DPYD: variants seen among roughly 807,000 people sequenced by gnomAD.
DPYD encodes dihydropyrimidine dehydrogenase [NADP(+)].
In DPYD, 109 loss-of-function variants were observed where a neutral mutation model predicts 116.2. That is an observed-to-expected ratio of 0.94 (90% CI 0.80 to 1.10). DPYD has a LOEUF of 1.10. Ranked by LOEUF, DPYD falls within the 50% of genes least tolerant of loss-of-function variation. The pLI is 0.00. For missense variants in DPYD, 1,302 were observed against 1,254.5 expected (o/e 1.04, Z -0.57); for synonymous variants, 440 against 432.0 (o/e 1.02, Z -0.23).
At chr1:97,640,632 A>T (rs202056009) in intron 8 of DPYD, among the ~76,000 whole-genome samples, 1 of 152,090 alleles carries the variant, frequency 6.6e-6, no homozygotes, top group Non-Finnish European at 1.5e-5. Flanking sequence ...CTGTTAGATT[A>T]TTAGAGTCTG....
chr1:97,899,920 C>T (rs1673277973), intron 1 of DPYD, among the ~76,000 whole-genome samples: 1 of 151,900 alleles, frequency 6.6e-6, no homozygotes, highest in Admixed American at 6.6e-5. Flanking sequence ...ATCAGTTTAA[C>T]AAATGTCTGT....
intron 13 of DPYD, among the ~76,000 whole-genome samples, chr1:97,503,467 C>T (rs560387566): frequency 1.3e-5 from 2 of 152,126 alleles, no homozygotes; most frequent in South Asian, 4.1e-4. Flanking sequence ...TAGCCAATGA[C>T]TGAGCAGGGC....
In DPYD at chr1:97,311,905, TA is replaced by T. The variant is rs1412925174; in HGVS notation, c.2059-5609del. Among the ~76,000 whole-genome samples the T allele has an allele frequency of 6.6e-5, 10 of 151,828 alleles. No homozygotes were observed. In the East Asian group the frequency reaches 1.4e-3, roughly 21 times the overall value. ...TCTTTAGAGACATATATATGGGTGA[TA>T]AAACTACGAAGAAAAGCAAAGCAAA... On this transcript the variant is annotated intron_variant, in intron 16 of 22. Transcript: ENST00000370192.
At chr1:97,567,490 G>A (rs941033516) in intron 11 of DPYD, among the ~76,000 whole-genome samples, 5 of 151,976 alleles carry the variant, frequency 3.3e-5, no homozygotes, top group African/African-American at 4.8e-5. Flanking sequence ...TAAGCAGTGG[G>A]TGAAGTACGT....
chr1:97,865,953 AAAG>A (rs1441026306), intron 2 of DPYD, among the ~76,000 whole-genome samples: 1 of 152,002 alleles, frequency 6.6e-6, no homozygotes, highest in Non-Finnish European at 1.5e-5. Context: ...TAGGTGAAAC[AAAG>A]AAGACTAAGA....
chr1:97,714,622 C>A (rs547254175), intron 5 of DPYD, among the ~76,000 whole-genome samples: 1 of 130,060 alleles, frequency 7.7e-6, no homozygotes, highest in East Asian at 2.4e-4. Flanking sequence ...ACTTAAGATT[C>A]ATTCCTGGCT....
intron 10 of DPYD, among the ~76,000 whole-genome samples, chr1:97,575,073 C>G (rs2811213): frequency 0.015 from 2,326 of 152,290 alleles, 51 homozygotes; most frequent in African/African-American, 0.053. Context: ...TTAAACCAGA[C>G]TGCGCAGGCC....
At chr1:97,666,752 T>C (rs548205752) in intron 8 of DPYD, among the ~76,000 whole-genome samples, 1 of 152,282 alleles carries the variant, frequency 6.6e-6, no homozygotes, top group South Asian at 2.1e-4. Flanking sequence ...TCAGCTATTT[T>C]AAAGTTCTAG....
At chr1:97,189,568 TAATTA>T (rs1658218273) in intron 20 of DPYD, among the ~76,000 whole-genome samples, 1 of 152,194 alleles carries the variant, frequency 6.6e-6, no homozygotes, top group Non-Finnish European at 1.5e-5. Context: ...TTATTTCCCA[TAATTA>T]AAAGTGCCAA....
intron 3 of DPYD, among the ~76,000 whole-genome samples, chr1:97,761,218 A>T (rs1303010875): frequency 6.6e-6 from 1 of 152,156 alleles, no homozygotes; most frequent in Non-Finnish European, 1.5e-5. Flanking sequence ...AGATGCACAA[A>T]TTCACAAAAT....
At chr1:97,168,110 T>C (rs1414350832) in intron 20 of DPYD, among the ~76,000 whole-genome samples, 1 of 152,168 alleles carries the variant, frequency 6.6e-6, no homozygotes, top group Non-Finnish European at 1.5e-5. Flanking sequence ...TGAGGAACTC[T>C]AAGAACATAA....
At chr1:97,457,420 C>G (rs565119275) in intron 13 of DPYD, among the ~76,000 whole-genome samples, 1 of 152,074 alleles carries the variant, frequency 6.6e-6, no homozygotes, top group East Asian at 1.9e-4. Flanking sequence ...AATCATGTAG[C>G]CTTTTGTTTT....
At chr1:97,201,922 T>C (rs546243331) in intron 19 of DPYD, among the ~76,000 whole-genome samples, 5 of 149,840 alleles carry the variant, frequency 3.3e-5, no homozygotes, top group Admixed American at 2.0e-4. Context: ...TTTTTTTTTT[T>C]CCCAAAGTGA....
chr1:97,847,348 A>G (rs1264631344), intron 2 of DPYD, among the ~76,000 whole-genome samples: 1 of 152,244 alleles, frequency 6.6e-6, no homozygotes, highest in Non-Finnish European at 1.5e-5. Context: ...AATGAAAAAT[A>G]AAAGTGTTAC....
rs1016166790 is a variant in DPYD, at chr1:97,813,931, C to T, written c.233+14183G>A. Among the ~76,000 whole-genome samples the T allele has an allele frequency of 2.7e-4, 41 of 151,592 alleles. No individual in the cohort carries two copies. In the South Asian group the frequency reaches 2.9e-3, roughly 11 times the overall value. The stretch of plus-strand genomic sequence containing the variant: ...AAACACACAGACACACACACACACA[C>T]ACACACACACACACACACACACACC... On this transcript the variant is annotated intron_variant, in intron 3 of 22. Transcript: ENST00000370192.
chr1:97,584,002 A>C (rs1423408044), intron 10 of DPYD, among the ~76,000 whole-genome samples: 3 of 152,154 alleles, frequency 2.0e-5, no homozygotes, highest in Non-Finnish European at 4.4e-5. Flanking sequence ...GACTTTCCAC[A>C]ATGGTTGAAC....
intron 12 of DPYD, among the ~76,000 whole-genome samples, chr1:97,524,498 C>T (rs1055785095): frequency 2.6e-5 from 4 of 152,054 alleles, no homozygotes; most frequent in Non-Finnish European, 4.4e-5. Flanking sequence ...TGTAGAACAA[C>T]GAACTCAGAA....
rs190951787 is a variant in DPYD, at chr1:97,515,889, G to T, written c.1577C>A (p.Thr526Asn). The T allele has an allele frequency of 6.2e-7, 1 of 1,612,846 alleles. No individual in the cohort carries two copies. Among genetic ancestry groups the T allele is most frequent in the Non-Finnish European group, 8.5e-7 (1 of 1,179,210 alleles). ...ACTAATGTCCACCAGATCAATAGGA[G>T]TGTAAAAGAGGGGTAGTTCAGGCTT... is the stretch of plus-strand genomic sequence containing the variant. ...SAKPELPLFY[T>N]PIDLVDISVE... The change falls in exon 13 of 23, where the codon ACT becomes AAT. Residue 526 changes from threonine (T) to asparagine (N), a missense_variant. Coordinates refer to ENST00000370192, the MANE Select transcript of DPYD (RefSeq NM_000110.4).
At chr1:97,460,614 T>C (rs1437094110) in intron 13 of DPYD, among the ~76,000 whole-genome samples, 1 of 152,192 alleles carries the variant, frequency 6.6e-6, no homozygotes, top group African/African-American at 2.4e-5. Flanking sequence ...CTTTCTTTCC[T>C]GAAGTGCAGG....
Sources: allele counts gnomAD v4.1 joint callset (sites outside exome capture counted in the v4.1 genomes callset), GRCh38; gene constraint gnomAD v4.1.1; transcripts MANE v1.5; gene names NCBI Gene and HGNC (gene_info 2026-07-23, HGNC 2026-07-21).